The following CTDP1 variants were observed in gnomAD, a reference collection of about 807,000 sequenced individuals.
CTDP1 encodes the protein CTD phosphatase 1, also known as RNA polymerase II subunit A C-terminal domain phosphatase.
In CTDP1, 47 loss-of-function variants were observed where a neutral mutation model predicts 91.8. The observed-to-expected ratio is 0.51, with a 90% CI of 0.41 to 0.65. The LOEUF (loss-of-function observed/expected upper bound fraction) is 0.65, where lower values mean the gene tolerates loss of function less well. Ranked by LOEUF, CTDP1 falls within the 30% of genes least tolerant of loss-of-function variation. CTDP1 has a pLI of 0.00. For missense variants in CTDP1, 1,272 were observed against 1,373.7 expected, an observed-to-expected ratio of 0.93 and a Z score of 1.17; for synonymous variants, 656 against 598.5, an observed-to-expected ratio of 1.10 and a Z score of -1.40.
chr18:79,718,811 G>A (rs1167774231), intron 10 of CTDP1, among the ~76,000 whole-genome samples: 1 of 152,218 alleles, frequency 6.6e-6, no homozygotes, highest in African/African-American at 2.4e-5. Context: ...AAGACCTGGT[G>A]TGCGTTTGCC....
intron 1 of CTDP1, among the ~76,000 whole-genome samples, chr18:79,683,336 G>A (rs1434484971): frequency 6.6e-6 from 1 of 152,234 alleles, no homozygotes; most frequent in African/African-American, 2.4e-5. Context: ...TTGATCCTTA[G>A]AGTACCCCTT....
chr18:79,702,642 G>C (rs933547597), intron 4 of CTDP1: 1 of 152,144 alleles, frequency 6.6e-6, no homozygotes, highest in Non-Finnish European at 1.5e-5. Flanking sequence ...CCAAAGTGTT[G>C]GGATTATAGG....
chr18:79,700,513 T>A (rs924584188), intron 4 of CTDP1, among the ~76,000 whole-genome samples: 1 of 152,160 alleles, frequency 6.6e-6, no homozygotes, highest in African/African-American at 2.4e-5. Flanking sequence ...AGGCCCCAAC[T>A]GTCTTCAATT....
chr18:79,736,182 C>CT (rs982675923), intron 11 of CTDP1, 173 bp from the exon 12 acceptor site: 2 of 793,292 alleles, frequency 2.5e-6, no homozygotes, highest in African/African-American at 3.5e-5. Context: ...TTGCCCGGGG[C>CT]TTTGTTAAGG....
At chr18:79,746,895 G>GCTGGAC (rs1466520886) in intron 12 of CTDP1, among the ~76,000 whole-genome samples, 1 of 152,192 alleles carries the variant, frequency 6.6e-6, no homozygotes, top group Non-Finnish European at 1.5e-5. Flanking sequence ...CTCCCAAAGT[G>GCTGGAC]CTGGACCTAC....
intron 1 of CTDP1, chr18:79,685,301 CTAAG>C (rs1433003797): frequency 6.6e-6 from 1 of 152,160 alleles, no homozygotes; most frequent in African/African-American, 2.4e-5. Context: ...CTTTCAGAAA[CTAAG>C]TCTTTTTTTT....
chr18:79,749,020 A>C (rs540897470), intron 12 of CTDP1, among the ~76,000 whole-genome samples: 1 of 152,192 alleles, frequency 6.6e-6, no homozygotes, highest in Non-Finnish European at 1.5e-5. Flanking sequence ...CACCCTGCCA[A>C]GTTATGCTGG....
chr18:79,679,288 G>A (rs190768693), upstream of CTDP1: 107 of 408,872 alleles, frequency 2.6e-4, no homozygotes, highest in Non-Finnish European at 4.9e-4. Context: ...TGGGGTCCGG[G>A]GGGGGACACG....
intron 11 of CTDP1, among the ~76,000 whole-genome samples, chr18:79,733,899 A>G (rs1382099000): frequency 6.6e-6 from 1 of 152,174 alleles, no homozygotes; most frequent in Admixed American, 6.5e-5. Flanking sequence ...AGAAATTCCA[A>G]CACTTAGGTA....
chr18:79,722,914 G>A (rs112038783), intron 10 of CTDP1, among the ~76,000 whole-genome samples: 146 of 152,210 alleles, frequency 9.6e-4, no homozygotes, highest in African/African-American at 3.2e-3. Flanking sequence ...CCTTTTCTCC[G>A]TAGGCCTCCA....
intron 1 of CTDP1, among the ~76,000 whole-genome samples, chr18:79,691,274 G>A (rs1264994269): frequency 6.6e-6 from 1 of 152,226 alleles, no homozygotes; most frequent in Non-Finnish European, 1.5e-5. Context: ...ACCTCAGGCT[G>A]CGCTGGTGGC....
chr18:79,710,557 G>A (rs1471314281), intron 6 of CTDP1, 121 bp downstream of exon 6: 11 of 772,082 alleles, frequency 1.4e-5, no homozygotes, highest in Non-Finnish European at 2.2e-5. Context: ...GAGTCTTGCT[G>A]TTGCCCAGGC....
At chr18:79,735,488 G>C (rs1024774486) in intron 11 of CTDP1, 2 of 152,454 alleles carry the variant, frequency 1.3e-5, no homozygotes, top group African/African-American at 4.8e-5. Flanking sequence ...ATCCATGCTG[G>C]ACATAAAGTG....
intron 8 of CTDP1, among the ~76,000 whole-genome samples, chr18:79,716,381 G>A (rs1329895140): frequency 6.6e-6 from 1 of 152,262 alleles, no homozygotes; most frequent in Admixed American, 6.5e-5. Context: ...GGACACGCAT[G>A]TGCTCAGTAA....
chr18:79,728,844 C>A, intron 10 of CTDP1, 63 bp from the exon 11 acceptor site: 2 of 1,522,816 alleles, frequency 1.3e-6, no homozygotes, highest in South Asian at 1.1e-5. Context: ...GAGTCTGATT[C>A]GGTGCGGAAA....
intron 12 of CTDP1, among the ~76,000 whole-genome samples, chr18:79,745,335 C>G (rs9748458): frequency 0.18 from 8,781 of 48,200 alleles, 10 homozygotes; most frequent in South Asian, 0.31. Flanking sequence ...CTCCCGTGCG[C>G]GTTCTGTGCC....
In CTDP1 at chr18:79,680,099, T is replaced by G; in HGVS notation, c.152T>G (p.Val51Gly). Residue 51 changes from valine to glycine, a missense_variant, in exon 1 of 13, where the codon GTG (valine) becomes GGG (glycine). By Grantham distance (109) the Val-to-Gly change is moderately radical. Transcript: ENST00000613122. ...GTGCGCATCGGCTCGGTGCTGGCCG[T>G]GTTCGAGGCCGCCGCCTCCGCGCAG... ...AAVRIGSVLA[V>G]FEAAASAQSS... is the part of the protein sequence containing the mutation. 1 of 1,410,116 alleles carries G rather than the reference T, an allele frequency of 7.1e-7. No individual in the cohort carries two copies. Among genetic ancestry groups the G allele is most frequent in the South Asian group, 1.4e-5 (1 of 69,182 alleles). The allele number at this position is 1,410,116 out of a possible 1,614,324, so 87.4% of individuals were successfully genotyped here. A position where few individuals can be genotyped will look rare whatever the true frequency, so the allele number is the denominator to read the frequency against.
chr18:79,693,705 C>T (rs115909260), intron 1 of CTDP1, among the ~76,000 whole-genome samples: 2,214 of 152,274 alleles, frequency 0.015, 66 homozygotes, highest in African/African-American at 0.051. Context: ...AGCCCCGCAC[C>T]GTGTGTCCTC....
chr18:79,747,003 C>G (rs1029926668), intron 12 of CTDP1, among the ~76,000 whole-genome samples: 1 of 152,156 alleles, frequency 6.6e-6, no homozygotes, highest in Admixed American at 6.5e-5. Flanking sequence ...GTGACTTGAC[C>G]GTGTGCTGCC....
Sources: gnomAD v4.1 joint callset for allele counts (sites outside exome capture counted in the v4.1 genomes callset) on GRCh38, gnomAD v4.1.1 for gene constraint, MANE v1.5 for transcripts, NCBI Gene and HGNC (gene_info 2026-07-23, HGNC 2026-07-21) for gene names.